Variants in COL25A1 observed in about 807,000 individuals in gnomAD.
COL25A1 encodes the protein collagen alpha-1(XXV) chain.
COL25A1 carries 103 observed loss-of-function variants against 128.4 expected under a neutral mutation model. The observed-to-expected ratio is 0.80, with a 90% CI of 0.68 to 0.94. The LOEUF is 0.94. Ranked by LOEUF, COL25A1 falls within the 40% of genes least tolerant of loss-of-function variation. The pLI is 0.00. For missense variants in COL25A1, 745 were observed against 840.0 expected (o/e 0.89, Z 1.40); for synonymous variants, 279 against 277.2 (o/e 1.01, Z -0.06).
chr4:109,137,984 A>ATATATGTGTGTGTGTGTGTG (rs547874075), intron 3 of COL25A1, among the ~76,000 whole-genome samples: 21 of 142,490 alleles, frequency 1.5e-4, no homozygotes, highest in Middle Eastern at 3.3e-3. Context: ...TTATATATAT[A>ATATATGTGTGTGTGTGTGTG]TGTGTGTGTG....
At chr4:108,997,837 C>T (rs193269247) in intron 6 of COL25A1, among the ~76,000 whole-genome samples, 641 of 152,266 alleles carry the variant, frequency 4.2e-3, no homozygotes, top group Non-Finnish European at 6.8e-3. Context: ...AATCAATACA[C>T]ATAATCCATC....
intron 13 of COL25A1, among the ~76,000 whole-genome samples, chr4:108,908,784 T>C (rs1743848827): frequency 1.3e-5 from 2 of 152,152 alleles, no homozygotes; most frequent in African/African-American, 4.8e-5. Flanking sequence ...ATCAGAGTTT[T>C]TAAGGATAAT....
chr4:108,845,502 G>C (rs929523570), intron 28 of COL25A1, among the ~76,000 whole-genome samples: 3 of 152,160 alleles, frequency 2.0e-5, no homozygotes, highest in Non-Finnish European at 2.9e-5. Context: ...ATTGGTTAAA[G>C]ACCTACAGTG....
At chr4:109,044,083 C>T (rs1042954908) in intron 5 of COL25A1, among the ~76,000 whole-genome samples, 1 of 137,884 alleles carries the variant, frequency 7.3e-6, no homozygotes, top group Non-Finnish European at 1.5e-5. Context: ...AGAGACTCCT[C>T]TGATAGTGTG....
At chr4:108,958,315 A>G (rs904968284) in intron 8 of COL25A1, among the ~76,000 whole-genome samples, 1 of 152,098 alleles carries the variant, frequency 6.6e-6, no homozygotes, top group Non-Finnish European at 1.5e-5. Flanking sequence ...CCATTAACCC[A>G]ACTGCACAAA....
chr4:109,014,759 G>A (rs968659494), intron 5 of COL25A1, among the ~76,000 whole-genome samples: 1 of 152,162 alleles, frequency 6.6e-6, no homozygotes, highest in African/African-American at 2.4e-5. Context: ...GTGTGTGTTG[G>A]GGGAGGGAAC....
intron 5 of COL25A1, among the ~76,000 whole-genome samples, chr4:109,028,306 G>A (rs1386223956): frequency 1.3e-5 from 2 of 152,098 alleles, no homozygotes; most frequent in Non-Finnish European, 2.9e-5. Flanking sequence ...ACAGGTTCTT[G>A]CTATGCTTCC....
At chr4:109,035,872 A>G (rs1759301897) in intron 5 of COL25A1, among the ~76,000 whole-genome samples, 1 of 150,980 alleles carries the variant, frequency 6.6e-6, no homozygotes, top group Non-Finnish European at 1.5e-5. Flanking sequence ...CTTCTCCTAA[A>G]CTCTATTAAT....
chr4:108,941,666 T>A (rs12511927), intron 8 of COL25A1, among the ~76,000 whole-genome samples: 25,506 of 152,144 alleles, frequency 0.17, 2,265 homozygotes, highest in Non-Finnish European at 0.19. Context: ...GTAATGAATA[T>A]TTTTTGTGCC....
intron 3 of COL25A1, among the ~76,000 whole-genome samples, chr4:109,206,191 T>C (rs1050646180): frequency 3.3e-5 from 5 of 152,300 alleles, no homozygotes; most frequent in East Asian, 1.9e-4. Context: ...GTACACACCT[T>C]ACCCATAATA....
At chr4:109,113,147 CTCT>C (rs1767183420) in intron 3 of COL25A1, among the ~76,000 whole-genome samples, 1 of 152,122 alleles carries the variant, frequency 6.6e-6, no homozygotes, top group Admixed American at 6.6e-5. Flanking sequence ...TGTGAATAAT[CTCT>C]TCTTCTGATG....
rs546302637 is a variant in COL25A1 at position 108,975,849 on chromosome 4, G to A, written c.439-1290C>T. Among the ~76,000 whole-genome samples the A allele has an allele frequency of 3.3e-5, 5 of 152,028 alleles. No homozygotes were observed. The East Asian group carries it at 9.7e-4, about 29-fold the overall frequency. Reference sequence around the variant, plus strand: ...TCATACCTTTTGTCCTTGGCCTACTGAATTGTCCTGTTGATTTGCTAGAGT... The same window carrying A: ...TCATACCTTTTGTCCTTGGCCTACTAAATTGTCCTGTTGATTTGCTAGAGT... On this transcript the variant is annotated intron_variant, in intron 6 of 37. Transcript: ENST00000399132.
At chr4:109,165,513 C>T (rs574676929) in intron 3 of COL25A1, among the ~76,000 whole-genome samples, 2 of 152,160 alleles carry the variant, frequency 1.3e-5, no homozygotes, top group South Asian at 2.1e-4. Context: ...ACCACGAGTT[C>T]GAGACCAGCC....
At position 108,979,149 on chromosome 4, in the gene COL25A1, G is replaced by A. The variant is rs553421151; in HGVS notation, c.439-4590C>T. ...ACTTAAAATTAGCCCCTGTTCAAAC[G>A]GCTTTACATTCAGAGTTTGCAAGAA... On this transcript the variant is annotated intron_variant, in intron 6 of 37. Coordinates refer to ENST00000399132, the MANE Select transcript of COL25A1 (RefSeq NM_198721.4). 1.8e-4 allele frequency among the ~76,000 whole-genome samples: 27 copies of A among 152,224 alleles called. No individual in the cohort carries two copies. The South Asian group carries it at 5.0e-3, about 28-fold the overall frequency.
chr4:109,068,664 A>G (rs1023109912), intron 3 of COL25A1, among the ~76,000 whole-genome samples: 3 of 152,332 alleles, frequency 2.0e-5, no homozygotes, highest in African/African-American at 7.2e-5. Flanking sequence ...TTATAATTCT[A>G]TCACCACTAA....
At chr4:109,156,793 T>C (rs1159322962) in intron 3 of COL25A1, among the ~76,000 whole-genome samples, 6 of 152,230 alleles carry the variant, frequency 3.9e-5, no homozygotes, top group South Asian at 2.1e-4. Flanking sequence ...AAGGTTCTTA[T>C]TTGCACTCCA....
At chr4:108,830,736 G>A (rs1732993159) in intron 32 of COL25A1, among the ~76,000 whole-genome samples, 1 of 152,208 alleles carries the variant, frequency 6.6e-6, no homozygotes, top group African/African-American at 2.4e-5. Flanking sequence ...TGACATTGTG[G>A]AGCTATCGGA....
chr4:109,034,642 T>C (rs1466437997), intron 5 of COL25A1, among the ~76,000 whole-genome samples: 2 of 152,206 alleles, frequency 1.3e-5, no homozygotes, highest in African/African-American at 4.8e-5. Flanking sequence ...TTTAGTGTTT[T>C]ATGCACTCTG....
intron 3 of COL25A1, among the ~76,000 whole-genome samples, chr4:109,148,409 T>C (rs1388638522): frequency 6.6e-6 from 1 of 152,178 alleles, no homozygotes; most frequent in African/African-American, 2.4e-5. Flanking sequence ...TGTTCTTACC[T>C]TTACAAAGGA....
Sources: gnomAD v4.1 joint callset for allele counts (sites outside exome capture counted in the v4.1 genomes callset) on GRCh38, gnomAD v4.1.1 for gene constraint, MANE v1.5 for transcripts, NCBI Gene and HGNC (gene_info 2026-07-23, HGNC 2026-07-21) for gene names.